The following CDKAL1 variants were observed in gnomAD, a reference collection of about 807,000 sequenced individuals.
The protein encoded by CDKAL1 is CDKAL1 threonylcarbamoyladenosine tRNA methylthiotransferase.
In CDKAL1, 32 loss-of-function variants were observed where a neutral mutation model predicts 68.2. The ratio of observed to expected loss-of-function variants is 0.47; its 90% CI spans 0.35 to 0.63. The LOEUF is 0.63. CDKAL1 is among the 30% of genes least tolerant of loss of function. The pLI is 0.00. For synonymous variants in CDKAL1, 234 were observed against 244.3 expected, an observed-to-expected ratio of 0.96 and a Z score of 0.39; for missense variants, 606 against 696.7, an observed-to-expected ratio of 0.87 and a Z score of 1.47.
chr6:21,098,405 A>C (rs1035372554), intron 12 of CDKAL1, among the ~76,000 whole-genome samples: 27 of 152,306 alleles, frequency 1.8e-4, no homozygotes, highest in African/African-American at 6.5e-4. Context: ...ACTGACAAGA[A>C]ATAGATTGAA....
At chr6:20,794,752 A>C (rs1008266118) in intron 8 of CDKAL1, among the ~76,000 whole-genome samples, 15 of 152,060 alleles carry the variant, frequency 9.9e-5, no homozygotes, top group Non-Finnish European at 5.9e-5. Context: ...CTTTTAGGAG[A>C]ATAAGGTTCA....
At chr6:20,889,003 C>T (rs1286740964) in intron 9 of CDKAL1, among the ~76,000 whole-genome samples, 1 of 152,160 alleles carries the variant, frequency 6.6e-6, no homozygotes, top group Non-Finnish European at 1.5e-5. Context: ...TCAAAGTGTT[C>T]CTATTTCTCC....
At chr6:20,791,287 C>A (rs1490352784) in intron 8 of CDKAL1, among the ~76,000 whole-genome samples, 1 of 152,202 alleles carries the variant, frequency 6.6e-6, no homozygotes, top group East Asian at 1.9e-4. Flanking sequence ...CACATAGTAT[C>A]TGTTCAATAT....
At chr6:20,626,105 TG>T in intron 4 of CDKAL1, among the ~76,000 whole-genome samples, 1 of 152,200 alleles carries the variant, frequency 6.6e-6, no homozygotes. Context: ...AGTTCACTTT[TG>T]TTACATTTTT....
chr6:20,867,578 T>C (rs1462730760), intron 9 of CDKAL1, among the ~76,000 whole-genome samples: 3 of 145,898 alleles, frequency 2.1e-5, no homozygotes, highest in Admixed American at 6.9e-5. Context: ...TGTTGTATTA[T>C]TAGAGACACA....
chr6:21,072,554 C>CAAAAAAAAAAAAAAAAAAA (rs71540611), intron 12 of CDKAL1, among the ~76,000 whole-genome samples: 3 of 44,484 alleles, frequency 6.7e-5, no homozygotes, highest in African/African-American at 1.7e-4. Flanking sequence ...GACTCCGTCT[C>CAAAAAAAAAAAAAAAAAAA]AAAAAAAAAA....
intron 10 of CDKAL1, among the ~76,000 whole-genome samples, chr6:20,984,817 G>A (rs187647312): frequency 0.094 from 13,927 of 148,432 alleles, 1,222 homozygotes; most frequent in African/African-American, 0.22. Context: ...GTAACGGGGG[G>A]GGGTGGGGAA....
chr6:21,092,258 T>G (rs1773074168), intron 12 of CDKAL1, among the ~76,000 whole-genome samples: 1 of 150,868 alleles, frequency 6.6e-6, no homozygotes, highest in Non-Finnish European at 1.5e-5. Context: ...CTGATTCTTT[T>G]TTTTTTTTTT....
chr6:20,660,595 C>A (rs193081141), intron 5 of CDKAL1, among the ~76,000 whole-genome samples: 9 of 152,300 alleles, frequency 5.9e-5, no homozygotes, highest in African/African-American at 9.6e-5. Flanking sequence ...TCCTCACTAT[C>A]CTAAATGAGC....
At chr6:20,785,214 G>A (rs1413449887) in intron 8 of CDKAL1, among the ~76,000 whole-genome samples, 3 of 151,908 alleles carry the variant, frequency 2.0e-5, no homozygotes, top group Non-Finnish European at 4.4e-5. Context: ...TCATCTTCCT[G>A]AATCAGTTGC....
intron 4 of CDKAL1, among the ~76,000 whole-genome samples, chr6:20,630,812 C>T (rs1767643742): frequency 6.6e-6 from 1 of 152,116 alleles, no homozygotes; most frequent in African/African-American, 2.4e-5. Flanking sequence ...CTTTGCAAGT[C>T]ACAACATCTC....
intron 15 of CDKAL1, among the ~76,000 whole-genome samples, chr6:21,222,291 A>G (rs1478222269): frequency 2.6e-5 from 4 of 152,194 alleles, no homozygotes; most frequent in South Asian, 2.1e-4. Flanking sequence ...GGGGTAAGGG[A>G]AAAATGTCGC....
At chr6:21,049,295 T>C (rs1026909163) in intron 11 of CDKAL1, among the ~76,000 whole-genome samples, 1 of 152,222 alleles carries the variant, frequency 6.6e-6, no homozygotes, top group African/African-American at 2.4e-5. Context: ...TTATGAATGT[T>C]AGAAATGTTT....
Position 21,065,150 on chromosome 6 carries a change from C to T in CDKAL1, c.1158C>T (p.Phe386=), listed in dbSNP as rs1268892874. ...TGAAACTTGTTGAAGAGTACAAATT[C>T]CCAAGCCTGTTTATTAACCAATTTT... ...ETVKLVEEYK[F]PSLFINQFYP... The change falls in exon 12 of 16, where the codon TTC becomes TTT. Residue 386 remains phenylalanine (F), a synonymous_variant. Coordinates refer to ENST00000274695, the MANE Select transcript of CDKAL1 (RefSeq NM_017774.3). 1.5e-5 allele frequency: 24 copies of T among 1,608,786 alleles called. No individual in the cohort carries two copies. Among genetic ancestry groups the T allele is most frequent in the Non-Finnish European group, 2.0e-5 (23 of 1,178,216 alleles).
At chr6:21,023,594 G>T (rs1768801262) in intron 11 of CDKAL1, among the ~76,000 whole-genome samples, 4 of 152,002 alleles carry the variant, frequency 2.6e-5, no homozygotes, top group Admixed American at 2.6e-4. Context: ...AATTTTGAAA[G>T]TCTCCAAATC....
At chr6:20,738,059 C>G (rs1475365815) in intron 5 of CDKAL1, among the ~76,000 whole-genome samples, 1 of 152,166 alleles carries the variant, frequency 6.6e-6, no homozygotes, top group Non-Finnish European at 1.5e-5. Flanking sequence ...AGTTTAATGT[C>G]ACACCGACAG....
At chr6:21,097,171 T>C (rs908206876) in intron 12 of CDKAL1, among the ~76,000 whole-genome samples, 5 of 152,156 alleles carry the variant, frequency 3.3e-5, no homozygotes, top group Non-Finnish European at 5.9e-5. Context: ...TATTTGGGTA[T>C]AAAACCTAGT....
chr6:20,801,602 G>C (rs1313557350), intron 8 of CDKAL1, among the ~76,000 whole-genome samples: 16 of 152,054 alleles, frequency 1.1e-4, no homozygotes, highest in Admixed American at 1.0e-3. Context: ...AGGATTTTAT[G>C]TAAAATTTTG....
chr6:20,672,188 C>T (rs1046297948), intron 5 of CDKAL1, among the ~76,000 whole-genome samples: 10 of 151,236 alleles, frequency 6.6e-5, no homozygotes, highest in African/African-American at 1.9e-4. Context: ...CTCTTTCTCT[C>T]TCTCTCTTTC....
Sources: gnomAD v4.1 joint callset for allele counts (sites outside exome capture counted in the v4.1 genomes callset) on GRCh38, gnomAD v4.1.1 for gene constraint, MANE v1.5 for transcripts, NCBI Gene and HGNC (gene_info 2026-07-23, HGNC 2026-07-21) for gene names.